The following LAMA1 variants were observed in gnomAD, a reference collection of about 807,000 sequenced individuals.
LAMA1 encodes laminin subunit alpha 1.
A neutral mutation model predicts 348.7 loss-of-function variants in LAMA1; 219 were observed. The ratio of observed to expected loss-of-function variants is 0.63; its 90% confidence interval spans 0.56 to 0.70. LAMA1 has a LOEUF of 0.70. Among genes scored for constraint, LAMA1 ranks in the 30% least tolerant of loss-of-function variants. LAMA1 has a pLI of 0.00. For missense variants in LAMA1, 3,744 were observed against 3,888.0 expected, an observed-to-expected ratio of 0.96 and a Z score of 0.99; for synonymous variants, 1,487 against 1,491.0, an observed-to-expected ratio of 1.00 and a Z score of 0.06.
At position 6,999,541 on chromosome 18, in the gene LAMA1, G is replaced by T. The variant is rs141200670; in HGVS notation, c.4567C>A (p.Arg1523Ser). 1.7e-5 allele frequency: 27 copies of T among 1,613,960 alleles called. No individual in the cohort carries two copies. In the African/African-American group the frequency reaches 3.1e-4, roughly 18 times the overall value. Residue 1523 changes from arginine to serine, a missense_variant, in exon 32 of 63, where the codon CGC becomes AGC. Arg to Ser is a moderately radical substitution (Grantham distance 110). Transcript: ENST00000389658. The stretch of plus-strand genomic sequence containing the variant: ...CTGCAAACGCACTGCCCAGATGTGC[G>T]GTCACAGTCACCGTGGACAGAGCCG... The part of the protein sequence containing the change: ...PHGSVHGDCD[R>S]TSGQCVCRLG...
Position 6,941,977 on chromosome 18 carries a change from C to A in LAMA1, c.*102G>T. The A allele has an allele frequency of 6.8e-7, 1 of 1,465,530 alleles. No individual in the cohort carries two copies. 90.8% of individuals were successfully genotyped at this position (1,465,530 alleles called of 1,614,324 possible). A position where few individuals can be genotyped will look rare whatever the true frequency, so the allele number is the denominator to read the frequency against. ...ACATCTCTCCCCAGAAACACTTAAC[C>A]TGAGTTGGAAATGAAATATGAACTG... On this transcript the variant is annotated 3_prime_UTR_variant, in exon 63 of 63. Transcript: ENST00000389658.
At chr18:7,026,436 A>T (rs1483931917) in intron 16 of LAMA1, among the ~76,000 whole-genome samples, 2 of 152,194 alleles carry the variant, frequency 1.3e-5, no homozygotes, top group African/African-American at 2.4e-5. Flanking sequence ...TCTGATGAAG[A>T]GTGGGATATG....
At chr18:7,086,008 GT>G (rs1292424756) in intron 1 of LAMA1, among the ~76,000 whole-genome samples, 2 of 152,136 alleles carry the variant, frequency 1.3e-5, no homozygotes, top group Admixed American at 1.3e-4. Context: ...TTTTAGGAGG[GT>G]GGCTGGATTC....
At chr18:7,035,909 A>G (rs1308640236) in intron 13 of LAMA1, 78 bp downstream of exon 13, 6 of 1,222,274 alleles carry the variant, frequency 4.9e-6, no homozygotes, top group Non-Finnish European at 7.2e-6. Flanking sequence ...GGATGTCCTC[A>G]CCTAGTAACT....
chr18:7,077,492 A>G (rs1195883572), intron 3 of LAMA1, among the ~76,000 whole-genome samples: 1 of 152,052 alleles, frequency 6.6e-6, no homozygotes, highest in Non-Finnish European at 1.5e-5. Flanking sequence ...GGCATGAGCC[A>G]CTGCACCTGG....
chr18:7,026,983 CAA>C (rs34247523), intron 16 of LAMA1, among the ~76,000 whole-genome samples: 4,161 of 68,560 alleles, frequency 0.061, 55 homozygotes, highest in Middle Eastern at 0.15. Flanking sequence ...GACTCCGTCT[CAA>C]AAAAAAAAAA....
intron 1 of LAMA1, among the ~76,000 whole-genome samples, chr18:7,094,280 C>T (rs116048798): frequency 0.013 from 1,944 of 151,644 alleles, 35 homozygotes; most frequent in African/African-American, 0.045. Flanking sequence ...AAAAATGAGC[C>T]GCGCGTGGTG....
At chr18:7,004,878 C>T (rs1276237707) in intron 29 of LAMA1, among the ~76,000 whole-genome samples, 1 of 152,182 alleles carries the variant, frequency 6.6e-6, no homozygotes, top group Non-Finnish European at 1.5e-5. Context: ...GAAGAAGGGA[C>T]TGAGGCGCTA....
At position 6,975,962 on chromosome 18, in the gene LAMA1, A is replaced by G; in HGVS notation, c.6464T>C (p.Leu2155Pro). The G allele has an allele frequency of 1.9e-6, 3 of 1,614,170 alleles. No homozygotes were observed. The highest frequency in any genetic ancestry group is 2.5e-6 in the Non-Finnish European group (3 of 1,180,044). Residue 2155 changes from leucine (L) to proline (P), a missense_variant, in exon 45 of 63, where the codon CTC (leucine) becomes CCC (proline). Physicochemically the swap from Leu to Pro is moderately conservative, Grantham distance 98. Transcript: ENST00000389658. ...AGCGGTGCTGCTACCGAGGTAGAAG[A>G]GAAGATTATCGGGTTCCTGTGTCTT... is the stretch of plus-strand genomic sequence containing the variant. ...NVKTQEPDNLLFYLGSSTASD... is the reference protein window; with the variant it reads ...NVKTQEPDNLPFYLGSSTASD...
intron 1 of LAMA1, among the ~76,000 whole-genome samples, chr18:7,087,201 TG>T: frequency 6.6e-6 from 1 of 152,240 alleles, no homozygotes; most frequent in East Asian, 1.9e-4. Flanking sequence ...TAACAAGTCC[TG>T]GTTGAGGTAT....
Position 7,083,275 on chromosome 18 carries a change from T to A in LAMA1, c.62-2818A>T, listed in dbSNP as rs545403271. ...ATCTTGGCTCACTGCAACCTCCACC[T>A]CCCGGGTTCAAGCGATTCTCCTGCC... is the stretch of plus-strand genomic sequence containing the variant. On this transcript the variant is annotated intron_variant, in intron 1 of 62. Transcript: ENST00000389658. Among the ~76,000 whole-genome samples the A allele has an allele frequency of 3.4e-5, 5 of 148,864 alleles. No individual in the cohort carries two copies. In the South Asian group the frequency reaches 1.1e-3, roughly 32 times the overall value.
chr18:7,036,121 G>A (rs1236483247), intron 12 of LAMA1, 33 bp from the exon 13 acceptor site: 1 of 1,465,064 alleles, frequency 6.8e-7, no homozygotes, highest in African/African-American at 1.4e-5. Context: ...AACACGAAAG[G>A]GGAAGACAAT....
intron 1 of LAMA1, among the ~76,000 whole-genome samples, chr18:7,103,139 C>G (rs913192817): frequency 6.6e-6 from 1 of 152,186 alleles, no homozygotes; most frequent in East Asian, 1.9e-4. Context: ...GGAGGCCGGC[C>G]AGGCACGGTG....
At chr18:7,107,285 A>G (rs1282456112) in intron 1 of LAMA1, among the ~76,000 whole-genome samples, 1 of 151,818 alleles carries the variant, frequency 6.6e-6, no homozygotes, top group Non-Finnish European at 1.5e-5. Flanking sequence ...CGCCCGGCTA[A>G]TTTTTTGTAT....
At chr18:7,053,040 TAAAC>T (rs2058068354) in intron 3 of LAMA1, among the ~76,000 whole-genome samples, 3 of 152,086 alleles carry the variant, frequency 2.0e-5, no homozygotes, top group South Asian at 4.2e-4. Flanking sequence ...AATAAATAAA[TAAAC>T]AAACAAATGC....
chr18:6,968,540 G>C (rs1455692718), intron 48 of LAMA1, among the ~76,000 whole-genome samples: 3 of 152,194 alleles, frequency 2.0e-5, no homozygotes, highest in Non-Finnish European at 4.4e-5. Context: ...GGCCCGGAAC[G>C]CAGGTGACTG....
chr18:7,115,501 A>G (rs1203456851), intron 1 of LAMA1, among the ~76,000 whole-genome samples: 1 of 152,158 alleles, frequency 6.6e-6, no homozygotes, highest in Non-Finnish European at 1.5e-5. Flanking sequence ...GAGAGACTGC[A>G]GAAATGACAG....
At chr18:7,012,189 T>C in intron 23 of LAMA1, 51 bp from the exon 24 acceptor site, 1 of 1,582,096 alleles carries the variant, frequency 6.3e-7, no homozygotes, top group Non-Finnish European at 8.7e-7. Flanking sequence ...AGAGATGTGA[T>C]TTCTGAACAA....
At chr18:6,953,634 A>G (rs2057560475) in intron 57 of LAMA1, 1 of 152,224 alleles carries the variant, frequency 6.6e-6, no homozygotes, top group Admixed American at 6.5e-5. Context: ...CTTTGAGCAG[A>G]TGCCTCAGGC....
Sources: allele counts gnomAD v4.1 joint callset (sites outside exome capture counted in the v4.1 genomes callset), GRCh38; gene constraint gnomAD v4.1.1; transcripts MANE v1.5; gene names NCBI Gene and HGNC (gene_info 2026-07-23, HGNC 2026-07-21).